The following GNA14 variants were observed in gnomAD, a reference collection of about 807,000 sequenced individuals.
GNA14 encodes G protein subunit alpha 14, also known as guanine nucleotide-binding protein subunit alpha-14.
A neutral mutation model predicts 42.0 loss-of-function variants in GNA14; 50 were observed. The observed-to-expected ratio is 1.19, with a 90% CI of 0.95 to 1.51. The LOEUF (loss-of-function observed/expected upper bound fraction) is 1.51, where lower values mean the gene tolerates loss of function less well. GNA14 is among the 40% of genes most tolerant of loss of function. GNA14 has a pLI of 0.00. For synonymous variants in GNA14, 173 were observed against 163.1 expected, an observed-to-expected ratio of 1.06 and a Z score of -0.46; for missense variants, 473 against 446.2, an observed-to-expected ratio of 1.06 and a Z score of -0.54.
intron 1 of GNA14, among the ~76,000 whole-genome samples, chr9:77,548,872 C>T (rs1837755809): frequency 6.6e-6 from 1 of 152,202 alleles, no homozygotes; most frequent in African/African-American, 2.4e-5. Flanking sequence ...ACCCAGAGAT[C>T]CCTTCCCATT....
intron 2 of GNA14, among the ~76,000 whole-genome samples, chr9:77,505,231 G>A (rs753091520): frequency 1.3e-5 from 2 of 152,186 alleles, no homozygotes; most frequent in African/African-American, 4.8e-5. Context: ...ACTTTTGAAA[G>A]CATAGGCTGA....
intron 2 of GNA14, among the ~76,000 whole-genome samples, chr9:77,515,805 A>T (rs1006298604): frequency 3.3e-5 from 5 of 151,878 alleles, no homozygotes; most frequent in Non-Finnish European, 7.4e-5. Flanking sequence ...CTTTACAAAA[A>T]AATAAAAAAT....
At chr9:77,559,058 C>T (rs542253092) in intron 1 of GNA14, among the ~76,000 whole-genome samples, 1 of 152,078 alleles carries the variant, frequency 6.6e-6, no homozygotes, top group Non-Finnish European at 1.5e-5. Flanking sequence ...GAGCATCTTC[C>T]TTTTGAGGAT....
At position 77,500,116 on chromosome 9, in the gene GNA14, G is replaced by C. The variant is rs112292328; in HGVS notation, c.309+28953C>G. On this transcript the variant is annotated intron_variant, in intron 2 of 6. Transcript: ENST00000341700. The stretch of plus-strand genomic sequence containing the variant: ...CAGCTCACTGCAACCTCCACCTCCT[G>C]GGTTCAAGCAATTCTCGTGCCTCAG... Among the ~76,000 whole-genome samples the C allele has an allele frequency of 2.0e-3, 298 of 151,670 alleles. 1 individual carries two copies. Among genetic ancestry groups the C allele is most frequent in the African/African-American group, 7.0e-3 (289 of 41,360 alleles).
At chr9:77,486,264 C>T (rs1301927334) in intron 2 of GNA14, among the ~76,000 whole-genome samples, 1 of 152,160 alleles carries the variant, frequency 6.6e-6, no homozygotes, top group Non-Finnish European at 1.5e-5. Flanking sequence ...CCTCATGAAC[C>T]AACCTCTTCT....
chr9:77,454,362 C>T (rs530557633), intron 2 of GNA14, among the ~76,000 whole-genome samples: 2 of 152,300 alleles, frequency 1.3e-5, no homozygotes, highest in African/African-American at 4.8e-5. Flanking sequence ...CTCTCTCCTT[C>T]GGGTTACAAC....
chr9:77,451,781 A>C (rs1187734606), intron 2 of GNA14, among the ~76,000 whole-genome samples: 1 of 152,192 alleles, frequency 6.6e-6, no homozygotes, highest in Non-Finnish European at 1.5e-5. Flanking sequence ...CTTTGTTGTA[A>C]TCAGGTGCAT....
At chr9:77,553,151 A>G (rs1369565809) in intron 1 of GNA14, among the ~76,000 whole-genome samples, 1 of 152,208 alleles carries the variant, frequency 6.6e-6, no homozygotes, top group Non-Finnish European at 1.5e-5. Flanking sequence ...CATTCATGGA[A>G]GGGTGAAATC....
chr9:77,515,973 A>AAAC (rs1457646454), intron 2 of GNA14, among the ~76,000 whole-genome samples: 1 of 148,940 alleles, frequency 6.7e-6, no homozygotes, highest in African/African-American at 2.5e-5. Context: ...AAAAAAAAAA[A>AAAC]AAAAAAAAAA....
chr9:77,470,061 T>C (rs758713726), intron 2 of GNA14, among the ~76,000 whole-genome samples: 10 of 152,192 alleles, frequency 6.6e-5, no homozygotes, highest in Non-Finnish European at 1.2e-4. Context: ...TGCTTAAAGA[T>C]GAAATACTTC....
At chr9:77,552,272 G>C (rs1837796264) in intron 1 of GNA14, among the ~76,000 whole-genome samples, 1 of 152,104 alleles carries the variant, frequency 6.6e-6, no homozygotes, top group Non-Finnish European at 1.5e-5. Flanking sequence ...GTGGGGAGTT[G>C]GTGGTGAAAA....
intron 1 of GNA14, among the ~76,000 whole-genome samples, chr9:77,568,016 G>A (rs1228915767): frequency 2.0e-5 from 3 of 151,222 alleles, no homozygotes; most frequent in Non-Finnish European, 2.9e-5. Flanking sequence ...GGAGGAAGAG[G>A]AGGAGGAAGG....
rs867455525 is a variant in GNA14, at chr9:77,481,516, G to T, written c.310-46994C>A. 7.0e-4 allele frequency among the ~76,000 whole-genome samples: 107 copies of T among 152,296 alleles called. 1 individual carries two copies. Among genetic ancestry groups the T allele is most frequent in the Middle Eastern group, 3.4e-3 (1 of 294 alleles). On this transcript the variant is annotated intron_variant, in intron 2 of 6. Coordinates refer to ENST00000341700, the MANE Select transcript of GNA14 (RefSeq NM_004297.4). Reference sequence around the variant, plus strand: ...ATTGTGGTGTGGTGCTGAAAAAAATGTATATTCTGTTGATTTGGGGTGGAG... The same window carrying T: ...ATTGTGGTGTGGTGCTGAAAAAAATTTATATTCTGTTGATTTGGGGTGGAG...
At chr9:77,628,812 T>C (rs1824052629) in intron 1 of GNA14, among the ~76,000 whole-genome samples, 1 of 151,982 alleles carries the variant, frequency 6.6e-6, no homozygotes, top group Non-Finnish European at 1.5e-5. Flanking sequence ...CAATACCATG[T>C]AGGACACAGA....
intron 1 of GNA14, among the ~76,000 whole-genome samples, chr9:77,534,817 C>G (rs987475572): frequency 6.6e-6 from 1 of 152,112 alleles, no homozygotes; most frequent in East Asian, 1.9e-4. Context: ...GAGTAAGAGC[C>G]TAATAAAATA....
At chr9:77,554,439 G>T (rs1429193015) in intron 1 of GNA14, among the ~76,000 whole-genome samples, 1 of 152,104 alleles carries the variant, frequency 6.6e-6, no homozygotes, top group Non-Finnish European at 1.5e-5. Context: ...AAGAATTTTT[G>T]TTAAAAGTTT....
chr9:77,597,603 T>C (rs1272351884), intron 1 of GNA14, among the ~76,000 whole-genome samples: 1 of 151,610 alleles, frequency 6.6e-6, no homozygotes, highest in Non-Finnish European at 1.5e-5. Flanking sequence ...GTCTTGGTAT[T>C]AGGTTGGTGC....
intron 1 of GNA14, among the ~76,000 whole-genome samples, chr9:77,616,519 G>A (rs76011507): frequency 0.026 from 3,992 of 152,308 alleles, 187 homozygotes; most frequent in African/African-American, 0.09. Context: ...GAAGATGGGG[G>A]CACTCAGGGG....
At chr9:77,489,166 G>A (rs1040912254) in intron 2 of GNA14, among the ~76,000 whole-genome samples, 2 of 151,940 alleles carry the variant, frequency 1.3e-5, no homozygotes, top group African/African-American at 4.8e-5. Flanking sequence ...ACAACAGAAT[G>A]AATCAAGCAG....
Sources: gnomAD v4.1 joint callset for allele counts (sites outside exome capture counted in the v4.1 genomes callset) on GRCh38, gnomAD v4.1.1 for gene constraint, MANE v1.5 for transcripts, NCBI Gene and HGNC (gene_info 2026-07-23, HGNC 2026-07-21) for gene names.